TRDN: variants seen among roughly 807,000 people sequenced by gnomAD.
TRDN encodes the protein triadin.
In TRDN, 161 loss-of-function variants were observed where a neutral mutation model predicts 149.7. That is an observed-to-expected ratio of 1.08 (90% CI 0.95 to 1.23). The LOEUF (loss-of-function observed/expected upper bound fraction) is 1.23. Ranked by LOEUF, TRDN falls within the 50% of genes most tolerant of loss-of-function variation. TRDN has a pLI of 0.00. For missense variants in TRDN, 896 were observed against 823.5 expected (o/e 1.09, Z -1.08); for synonymous variants, 294 against 250.5 (o/e 1.17, Z -1.64).
intron 9 of TRDN, among the ~76,000 whole-genome samples, chr6:123,474,188 C>T (rs1220412087): frequency 2.0e-5 from 3 of 151,994 alleles, no homozygotes; most frequent in Non-Finnish European, 2.9e-5. Flanking sequence ...GTGCTGTATT[C>T]AGGAAACCCA....
At chr6:123,268,163 A>T (rs1777079135) in intron 31 of TRDN, among the ~76,000 whole-genome samples, 2 of 152,000 alleles carry the variant, frequency 1.3e-5, no homozygotes, top group Admixed American at 6.6e-5. Context: ...AATCCTAGTA[A>T]CCTTCTTGCC....
intron 19 of TRDN, among the ~76,000 whole-genome samples, chr6:123,367,914 C>G (rs1781177878): frequency 6.6e-6 from 1 of 152,110 alleles, no homozygotes; most frequent in Non-Finnish European, 1.5e-5. Flanking sequence ...TGAGTTTCAG[C>G]CTTCTAGCAG....
At chr6:123,461,207 A>G (rs189468160) in intron 10 of TRDN, among the ~76,000 whole-genome samples, 1 of 152,168 alleles carries the variant, frequency 6.6e-6, no homozygotes, top group East Asian at 1.9e-4. Context: ...TAAGAAGTCA[A>G]TTGATTTGTC....
intron 8 of TRDN, among the ~76,000 whole-genome samples, chr6:123,500,382 G>T (rs1778646958): frequency 6.6e-6 from 1 of 152,112 alleles, no homozygotes; most frequent in Non-Finnish European, 1.5e-5. Flanking sequence ...GTGTTGGGAA[G>T]TCTCCAGTTT....
intron 1 of TRDN, among the ~76,000 whole-genome samples, chr6:123,583,696 G>A (rs1583283406): frequency 6.6e-6 from 1 of 152,176 alleles, no homozygotes; most frequent in Non-Finnish European, 1.5e-5. Context: ...AATGACTGTG[G>A]TGGCCTTCTC....
intron 1 of TRDN, among the ~76,000 whole-genome samples, chr6:123,582,241 G>C (rs973497227): frequency 2.0e-5 from 3 of 152,142 alleles, no homozygotes; most frequent in African/African-American, 7.2e-5. Flanking sequence ...CTGATTGACG[G>C]CTGGTTGAAA....
intron 4 of TRDN, among the ~76,000 whole-genome samples, chr6:123,532,835 T>C (rs1340977205): frequency 6.6e-6 from 1 of 151,444 alleles, no homozygotes; most frequent in African/African-American, 2.4e-5. Flanking sequence ...ATATTACTAC[T>C]AGACAGGTCT....
chr6:123,609,919 T>C (rs890258696), intron 1 of TRDN, among the ~76,000 whole-genome samples: 105 of 152,298 alleles, frequency 6.9e-4, no homozygotes, highest in African/African-American at 2.3e-3. Flanking sequence ...TATATGATTG[T>C]TCAGTGGATG....
intron 7 of TRDN, among the ~76,000 whole-genome samples, chr6:123,507,621 T>C (rs1482861498): frequency 4.6e-5 from 7 of 152,124 alleles, no homozygotes; most frequent in Admixed American, 4.6e-4. Context: ...TTTTTCCTGA[T>C]TTTTCCCTAA....
intron 8 of TRDN, 67 bp from the exon 9 acceptor site, chr6:123,497,319 A>T: frequency 1.8e-6 from 2 of 1,123,794 alleles, no homozygotes; most frequent in Non-Finnish European, 2.4e-6. Flanking sequence ...CTACAGAGAA[A>T]TAATTTAACA....
intron 32 of TRDN, among the ~76,000 whole-genome samples, chr6:123,266,280 TTA>T (rs1237040618): frequency 6.5e-5 from 2 of 30,710 alleles, no homozygotes; most frequent in Non-Finnish European, 1.4e-4. Flanking sequence ...GTAATATATA[TTA>T]TATGTAATAT....
chr6:123,412,394 A>G (rs1296117201), intron 12 of TRDN, among the ~76,000 whole-genome samples: 17 of 152,242 alleles, frequency 1.1e-4, no homozygotes, highest in Admixed American at 1.1e-3. Flanking sequence ...TGACTTCTCA[A>G]TAACTAGTCA....
rs377498900 is a variant in TRDN, at chr6:123,338,818, T to C, written c.1370-1149A>G. Among the ~76,000 whole-genome samples the C allele has an allele frequency of 1.1e-4, 17 of 152,244 alleles. No individual in the cohort carries two copies. The East Asian group carries it at 2.7e-3, about 24-fold the overall frequency. On this transcript the variant is annotated intron_variant, in intron 21 of 40. Transcript: ENST00000334268. ...AGTTAATCAACAAAGAGCAAAATAT[T>C]TGACCCTGTGAAAAGTACTCCAGTA... is the stretch of plus-strand genomic sequence containing the variant.
intron 34 of TRDN, among the ~76,000 whole-genome samples, 183 bp from the exon 35 acceptor site, chr6:123,259,845 T>TCTC (rs1014961749): frequency 5.3e-5 from 8 of 151,616 alleles, no homozygotes; most frequent in Non-Finnish European, 1.0e-4. Context: ...GGTCAAAATT[T>TCTC]CTCCTCCTCC....
chr6:123,473,250 G>C (rs1777280133), intron 9 of TRDN, among the ~76,000 whole-genome samples: 1 of 152,118 alleles, frequency 6.6e-6, no homozygotes, highest in Admixed American at 6.5e-5. Flanking sequence ...AGTGCTTAAA[G>C]GAGCTGATGG....
chr6:123,472,304 C>T (rs1321196161), intron 9 of TRDN, among the ~76,000 whole-genome samples: 1 of 152,170 alleles, frequency 6.6e-6, no homozygotes, highest in Non-Finnish European at 1.5e-5. Context: ...CCTTCCGAGT[C>T]AAAGAAAGGG....
chr6:123,274,842 C>T (rs1264842837), intron 26 of TRDN, among the ~76,000 whole-genome samples, 172 bp from the exon 27 acceptor site: 1 of 151,966 alleles, frequency 6.6e-6, no homozygotes, highest in Non-Finnish European at 1.5e-5. Flanking sequence ...CACTGCACTC[C>T]AGCTTAGGTG....
chr6:123,414,053 AC>A (rs1773549332), intron 12 of TRDN, among the ~76,000 whole-genome samples: 1 of 152,130 alleles, frequency 6.6e-6, no homozygotes. Context: ...ATGCTTTGCT[AC>A]ACATGCATCA....
At chr6:123,408,678 CA>C (rs577824087) in intron 12 of TRDN, among the ~76,000 whole-genome samples, 2,891 of 134,668 alleles carry the variant, frequency 0.021, 38 homozygotes, top group African/African-American at 0.045. Flanking sequence ...GACTTTTTCT[CA>C]AAAAAAAAAA....
Sources: allele counts gnomAD v4.1 joint callset (sites outside exome capture counted in the v4.1 genomes callset), GRCh38; gene constraint gnomAD v4.1.1; transcripts MANE v1.5; gene names NCBI Gene and HGNC (gene_info 2026-07-23, HGNC 2026-07-21).